HERC1: variants seen among roughly 807,000 people sequenced by gnomAD.
HERC1 encodes the protein HECT and RLD domain containing E3 ubiquitin protein ligase family member 1, also known as probable E3 ubiquitin-protein ligase HERC1.
HERC1 carries 160 observed loss-of-function variants against 554.3 expected under a neutral mutation model. The ratio of observed to expected loss-of-function variants is 0.29; its 90% confidence interval spans 0.25 to 0.33. The LOEUF (loss-of-function observed/expected upper bound fraction) is 0.33. HERC1 is among the 10% of genes least tolerant of loss of function. HERC1 has a pLI of 1.00. For missense variants in HERC1, 4,919 were observed against 5,918.5 expected, an observed-to-expected ratio of 0.83 and a Z score of 5.54; for synonymous variants, 2,175 against 2,131.7, an observed-to-expected ratio of 1.02 and a Z score of -0.56.
At chr15:63,653,258 T>C (rs2069805548) in intron 51 of HERC1, among the ~76,000 whole-genome samples, 2 of 151,968 alleles carry the variant, frequency 1.3e-5, no homozygotes, top group Admixed American at 6.6e-5. Context: ...CTGGCCAACA[T>C]GGAAAAACCC....
chr15:63,682,596 A>G (rs62014182), intron 34 of HERC1, among the ~76,000 whole-genome samples: 21,537 of 152,084 alleles, frequency 0.14, 2,066 homozygotes, highest in Middle Eastern at 0.21. Flanking sequence ...GAAAGCAAGA[A>G]CCCCATCTCT....
chr15:63,760,110 G>GA (rs11290825), intron 3 of HERC1, among the ~76,000 whole-genome samples: 3 of 151,376 alleles, frequency 2.0e-5, no homozygotes, highest in Non-Finnish European at 4.4e-5. Flanking sequence ...ACTGGGGGCA[G>GA]AAAAAAAAAT....
chr15:63,797,965 G>A (rs940276809), intron 1 of HERC1, among the ~76,000 whole-genome samples: 1 of 152,174 alleles, frequency 6.6e-6, no homozygotes, highest in Admixed American at 6.5e-5. Context: ...TATTTTCACT[G>A]CCCCATAATA....
chr15:63,666,349 A>G lies in HERC1; in HGVS notation c.8323+7T>C. 1 of 1,595,894 alleles carries G rather than the reference A, an allele frequency of 6.3e-7. No homozygotes were observed. The highest frequency in any genetic ancestry group is 8.6e-7 in the Non-Finnish European group (1 of 1,163,848). ...TGTATACACTGATATATAAAAACTT[A>G]TCCTACCTGTAGCTTCCATGGCTTT... On this transcript the variant is annotated splice_region_variant and intron_variant, in intron 41 of 77. Transcript: ENST00000443617.
At chr15:63,737,561 T>C (rs1419556680) in intron 12 of HERC1, among the ~76,000 whole-genome samples, 4 of 130,144 alleles carry the variant, frequency 3.1e-5, no homozygotes, top group Non-Finnish European at 6.5e-5. Flanking sequence ...TTTTTTTTTT[T>C]AGTAGAGAAG....
intron 50 of HERC1, among the ~76,000 whole-genome samples, chr15:63,654,699 CAA>C (rs372596416): frequency 1.5e-5 from 2 of 133,950 alleles, no homozygotes; most frequent in Non-Finnish European, 1.6e-5. Context: ...ACTGAAAATA[CAA>C]AAAAAAAAAA....
chr15:63,723,407 C>G (rs895777691), intron 18 of HERC1, 52 bp from the exon 19 acceptor site: 10 of 1,227,920 alleles, frequency 8.1e-6, no homozygotes, highest in Non-Finnish European at 1.1e-5. Flanking sequence ...TTTGGTGCTA[C>G]AGATAAAATC....
At position 63,698,751 on chromosome 15, in the gene HERC1, C is replaced by T; in HGVS notation, c.4882G>A (p.Glu1628Lys). The change falls in exon 26 of 78, where the codon GAA becomes AAA. Residue 1628 changes from glutamate (E) to lysine (K), a missense_variant. Transcript: ENST00000443617. ...ACTTCTGCCCTTAACTGCTGCTGTT[C>T]CATTGCAATGATGGAGGCCTGGGGA... ...TSPQASIIAM[E>K]QQQLRAELRL... is the part of the protein sequence containing the mutation. The T allele has an allele frequency of 6.2e-7, 1 of 1,613,748 alleles. No homozygotes were observed. Among genetic ancestry groups the T allele is most frequent in the East Asian group, 2.2e-5 (1 of 44,870 alleles).
intron 12 of HERC1, among the ~76,000 whole-genome samples, chr15:63,745,399 C>G (rs1446989165): frequency 6.6e-6 from 1 of 152,182 alleles, no homozygotes; most frequent in Non-Finnish European, 1.5e-5. Context: ...CACTATAGCC[C>G]TCAGTGGCAA....
At chr15:63,628,418 A>G (rs886520148) in intron 70 of HERC1, among the ~76,000 whole-genome samples, 2 of 152,196 alleles carry the variant, frequency 1.3e-5, no homozygotes, top group Non-Finnish European at 2.9e-5. Context: ...TGCTAAAATT[A>G]TAAATTTTTG....
chr15:63,787,221 A>G (rs1287745705), intron 1 of HERC1, among the ~76,000 whole-genome samples: 1 of 151,978 alleles, frequency 6.6e-6, no homozygotes, highest in East Asian at 1.9e-4. Flanking sequence ...CAGTGGTGCA[A>G]TCTCCGTTCA....
intron 22 of HERC1, 176 bp from the exon 23 acceptor site, chr15:63,713,841 C>A (rs904431461): frequency 6.0e-5 from 32 of 530,136 alleles, no homozygotes; most frequent in Non-Finnish European, 9.6e-5. Flanking sequence ...TTAAAATATA[C>A]TAAAATACTA....
In HERC1 at chr15:63,665,486, T is replaced by C. The variant is rs149141397; in HGVS notation, c.8555+433A>G. ...GGCGGAGGTTGCTGCAGTGAGCCGA[T>C]ATCGCGCCACTGCACTCCAGCCTGG... On this transcript the variant is annotated intron_variant, in intron 42 of 77. Transcript: ENST00000443617. Among the ~76,000 whole-genome samples, 1,059 of 152,120 alleles carry C rather than the reference T, an allele frequency of 7.0e-3. 19 individuals carry two copies. The highest frequency in any genetic ancestry group is 0.025 in the African/African-American group (1,020 of 41,496).
chr15:63,632,849 GAAA>G (rs753920870), intron 67 of HERC1, 38 bp from the exon 68 acceptor site: 5 of 1,385,474 alleles, frequency 3.6e-6, no homozygotes, highest in Non-Finnish European at 5.0e-6. Flanking sequence ...ACTTTAAGAA[GAAA>G]AAAAATCACT....
chr15:63,770,927 G>A (rs900935761), intron 2 of HERC1, among the ~76,000 whole-genome samples: 21 of 152,140 alleles, frequency 1.4e-4, no homozygotes, highest in African/African-American at 4.6e-4. Context: ...GGTGGCTCAC[G>A]CCTGTAATCC....
At position 63,804,323 on chromosome 15, in the gene HERC1, C is replaced by T. The variant is rs191108548; in HGVS notation, c.-26-28674G>A. ...ATTGCTAGCCGGGCACAGTGGCTCACGCCTGTAATCCCAGCACTTTGGGAG... is the reference window on the plus strand; with the variant it reads ...ATTGCTAGCCGGGCACAGTGGCTCATGCCTGTAATCCCAGCACTTTGGGAG... On this transcript the variant is annotated intron_variant, in intron 1 of 77. Transcript: ENST00000443617. Among the ~76,000 whole-genome samples, 83 of 152,262 alleles carry T rather than the reference C, an allele frequency of 5.5e-4. 2 individuals carry two copies. The East Asian group carries it at 0.015, about 27-fold the overall frequency.
At chr15:63,797,027 G>A (rs1261941057) in intron 1 of HERC1, among the ~76,000 whole-genome samples, 1 of 152,170 alleles carries the variant, frequency 6.6e-6, no homozygotes, top group Non-Finnish European at 1.5e-5. Flanking sequence ...TGGAATGCTT[G>A]CTGAGAGGAG....
intron 1 of HERC1, among the ~76,000 whole-genome samples, chr15:63,829,557 G>GTA (rs1195924774): frequency 9.1e-5 from 6 of 66,196 alleles, no homozygotes; most frequent in Admixed American, 4.3e-4. Flanking sequence ...GTGTGTGTGT[G>GTA]TGTGTATATA....
chr15:63,666,209 T>C, intron 41 of HERC1, 59 bp from the exon 42 acceptor site: 1 of 1,462,178 alleles, frequency 6.8e-7, no homozygotes, highest in Non-Finnish European at 9.4e-7. Context: ...GTCTTTATGT[T>C]ATAAGAGTGT....
Sources: allele counts gnomAD v4.1 joint callset (sites outside exome capture counted in the v4.1 genomes callset), GRCh38; gene constraint gnomAD v4.1.1; transcripts MANE v1.5; gene names NCBI Gene and HGNC (gene_info 2026-07-23, HGNC 2026-07-21).